The following RBFOX1 variants were observed in gnomAD, a reference collection of about 807,000 sequenced individuals.
RBFOX1 encodes RNA binding fox-1 homolog 1.
In RBFOX1, 8 loss-of-function variants were observed where a neutral mutation model predicts 57.7. The observed-to-expected ratio is 0.14, with a 90% CI of 0.08 to 0.25. The LOEUF (loss-of-function observed/expected upper bound fraction) is 0.25, where lower values mean the gene tolerates loss of function less well. Among genes scored for constraint, RBFOX1 ranks in the 10% least tolerant of loss-of-function variants. The probability of loss-of-function intolerance (pLI) is 1.00; values close to 1 mark genes in which losing one functional copy is unlikely to be tolerated. For synonymous variants in RBFOX1, 326 were observed against 222.4 expected (o/e 1.47, Z -4.15); for missense variants, 611 against 548.5 (o/e 1.11, Z -1.14).
chr16:5,992,300 GA>G (rs890658560), intron 4 of RBFOX1, among the ~76,000 whole-genome samples: 64 of 152,184 alleles, frequency 4.2e-4, no homozygotes, highest in African/African-American at 1.3e-3. Context: ...AATAGATAGG[GA>G]AAAAAAGGTT....
At chr16:6,478,600 C>G (rs1431695929) in intron 2 of RBFOX1, among the ~76,000 whole-genome samples, 2 of 151,212 alleles carry the variant, frequency 1.3e-5, no homozygotes, top group Non-Finnish European at 2.9e-5. Flanking sequence ...TTAATCATTT[C>G]TAGCTTTTGA....
chr16:7,377,315 G>A (rs1451549792), intron 4 of RBFOX1, among the ~76,000 whole-genome samples: 1 of 152,164 alleles, frequency 6.6e-6, no homozygotes, highest in African/African-American at 2.4e-5. Context: ...ACCCACGTGA[G>A]GTGGTGGCAT....
chr16:5,843,236 A>G (rs2056671709), intron 3 of RBFOX1, among the ~76,000 whole-genome samples: 1 of 152,180 alleles, frequency 6.6e-6, no homozygotes, highest in Non-Finnish European at 1.5e-5. Context: ...TTTCATCGCC[A>G]AGGTACTAAG....
chr16:6,621,430 C>T (rs1157955187), intron 2 of RBFOX1, among the ~76,000 whole-genome samples: 8 of 152,312 alleles, frequency 5.3e-5, no homozygotes, highest in Admixed American at 4.6e-4. Context: ...CGCCACTGCG[C>T]TCCAGCCTGG....
At chr16:7,056,959 C>A (rs1164761665) in intron 4 of RBFOX1, among the ~76,000 whole-genome samples, 1 of 151,618 alleles carries the variant, frequency 6.6e-6, no homozygotes, top group African/African-American at 2.4e-5. Context: ...CTTTACTTTA[C>A]CTATACGTAA....
At position 7,127,372 on chromosome 16, in the gene RBFOX1, A is replaced by C. The variant is rs1168036184; in HGVS notation, c.27+75274A>C. Among the ~76,000 whole-genome samples, 5 of 152,332 alleles carry C rather than the reference A, an allele frequency of 3.3e-5. No homozygotes were observed. The East Asian group carries it at 9.6e-4, about 29-fold the overall frequency. On this transcript the variant is annotated intron_variant, in intron 4 of 15. Transcript: ENST00000550418. ...GTCTGGTTATAAGCATTTTGTAAAT[A>C]ATAACTTATTTGATACTTATTATCA... is the stretch of plus-strand genomic sequence containing the variant.
chr16:6,843,093 A>G (rs1255881949), intron 3 of RBFOX1, among the ~76,000 whole-genome samples: 2 of 152,044 alleles, frequency 1.3e-5, no homozygotes, highest in Non-Finnish European at 2.9e-5. Context: ...TCCAAGATTT[A>G]CTATTGTAAA....
intron 4 of RBFOX1, among the ~76,000 whole-genome samples, chr16:7,463,230 A>G (rs768454321): frequency 2.0e-5 from 3 of 152,150 alleles, no homozygotes. Flanking sequence ...CTAGCCAGGC[A>G]TGCTGGCTCA....
chr16:7,315,667 T>TATATATATATATATATATATAA (rs1568172968), intron 4 of RBFOX1, among the ~76,000 whole-genome samples: 49 of 143,660 alleles, frequency 3.4e-4, no homozygotes, highest in African/African-American at 1.2e-3. Flanking sequence ...TATATATATA[T>TATATATATATATATATATATAA]GGAACATTAC....
At chr16:6,252,608 GTGTTTTGTTT>G (rs56211071) in intron 1 of RBFOX1, among the ~76,000 whole-genome samples, 114 of 150,332 alleles carry the variant, frequency 7.6e-4, no homozygotes, top group African/African-American at 2.2e-3. Context: ...CCATGCCAAG[GTGTTTTGTTT>G]TGTTTTGTTT....
intron 3 of RBFOX1, among the ~76,000 whole-genome samples, chr16:6,830,122 G>A (rs970981224): frequency 6.6e-6 from 1 of 151,726 alleles, no homozygotes; most frequent in African/African-American, 2.4e-5. Context: ...TTACCATGTT[G>A]GCCAGGCTGG....
rs1350087820 is a variant in RBFOX1, at chr16:5,589,230, A to C, written c.259-9672A>C. 4.3e-4 allele frequency among the ~76,000 whole-genome samples: 65 copies of C among 152,200 alleles called. 1 individual carries two copies. Among genetic ancestry groups the C allele is most frequent in the Non-Finnish European group, 8.8e-5 (6 of 67,992 alleles). On this transcript the variant is annotated intron_variant, in intron 2 of 2. Coordinates refer to the RBFOX1 transcript ENST00000585867. ...TGGTGGGTTTGTGGGGCGGTGGTGG[A>C]GGGAACATGAGTGTACCAAGGGAAT... is the stretch of plus-strand genomic sequence containing the variant.
At chr16:7,438,385 G>A (rs946482831) in intron 4 of RBFOX1, among the ~76,000 whole-genome samples, 9 of 152,080 alleles carry the variant, frequency 5.9e-5, no homozygotes, top group African/African-American at 2.2e-4. Flanking sequence ...GCATGATGGT[G>A]AGACAGGTTC....
At chr16:5,766,467 A>G (rs1597162187) in intron 3 of RBFOX1, among the ~76,000 whole-genome samples, 1 of 152,020 alleles carries the variant, frequency 6.6e-6, no homozygotes. Flanking sequence ...TGCCTGTAGT[A>G]CCAGCTACTT....
In RBFOX1 at chr16:7,133,871, C is replaced by A. The variant is rs138316397; in HGVS notation, c.27+81773C>A. 2.6e-5 allele frequency among the ~76,000 whole-genome samples: 4 copies of A among 152,116 alleles called. No homozygotes were observed. In the East Asian group the frequency reaches 7.7e-4, roughly 29 times the overall value. ...CCCATTTTGAAATATCATGGCTAAT[C>A]CAAAAAATATACAGCTAAACAGAAA... On this transcript the variant is annotated intron_variant, in intron 4 of 15. Coordinates refer to ENST00000550418, the MANE Select transcript of RBFOX1 (RefSeq NM_018723.4).
At chr16:6,368,722 G>C in intron 2 of RBFOX1, among the ~76,000 whole-genome samples, 1 of 152,294 alleles carries the variant, frequency 6.6e-6, no homozygotes, top group Admixed American at 6.5e-5. Context: ...TTAGTCATAT[G>C]TACCAGTCCA....
chr16:6,940,875 G>GTT (rs2078306691), intron 3 of RBFOX1, among the ~76,000 whole-genome samples: 2 of 141,034 alleles, frequency 1.4e-5, no homozygotes, highest in African/African-American at 5.4e-5. Context: ...GTGTGTGTGT[G>GTT]TGTGTGTGTG....
At chr16:7,150,407 C>A (rs1320275871) in intron 4 of RBFOX1, among the ~76,000 whole-genome samples, 1 of 152,086 alleles carries the variant, frequency 6.6e-6, no homozygotes, top group Non-Finnish European at 1.5e-5. Context: ...GAATTGGTCC[C>A]CGGGCTGTAT....
At chr16:5,489,714 C>A (rs1422617316) in intron 2 of RBFOX1, among the ~76,000 whole-genome samples, 3 of 152,190 alleles carry the variant, frequency 2.0e-5, no homozygotes, top group African/African-American at 7.2e-5. Context: ...CTCTCTCGGC[C>A]TTGCCAACAG....
Sources: gnomAD v4.1 joint callset for allele counts (sites outside exome capture counted in the v4.1 genomes callset) on GRCh38, gnomAD v4.1.1 for gene constraint, MANE v1.5 for transcripts, NCBI Gene and HGNC (gene_info 2026-07-23, HGNC 2026-07-21) for gene names.